RERE: variants seen among roughly 807,000 people sequenced by gnomAD.
The protein encoded by RERE is arginine-glutamic acid dipeptide repeats, also known as arginine-glutamic acid dipeptide repeats protein.
Under a neutral mutation model 146.1 loss-of-function variants are expected in RERE, and 40 were observed. That is an observed-to-expected ratio of 0.27 (90% CI 0.21 to 0.36). The LOEUF (loss-of-function observed/expected upper bound fraction) is 0.36, where lower values mean the gene tolerates loss of function less well. RERE is among the 10% of genes least tolerant of loss of function. RERE has a pLI of 1.00. For missense variants in RERE, 1,933 were observed against 2,138.7 expected, an observed-to-expected ratio of 0.90 and a Z score of 1.90; for synonymous variants, 1,003 against 866.0, an observed-to-expected ratio of 1.16 and a Z score of -2.78.
intron 1 of RERE, among the ~76,000 whole-genome samples, chr1:8,778,813 C>CA (rs34675707): frequency 0.01 from 1,404 of 135,066 alleles, 21 homozygotes; most frequent in African/African-American, 0.033. Context: ...CCTTGTCTCC[C>CA]AAAAAAAAAA....
intron 10 of RERE, among the ~76,000 whole-genome samples, chr1:8,475,288 C>T (rs1452952100): frequency 3.3e-5 from 5 of 151,262 alleles, no homozygotes; most frequent in African/African-American, 4.9e-5. Context: ...GCAGGAGAAT[C>T]GCTTAAACCT....
chr1:8,493,766 AATC>A (rs1424203113), intron 10 of RERE, among the ~76,000 whole-genome samples: 1 of 152,226 alleles, frequency 6.6e-6, no homozygotes, highest in Non-Finnish European at 1.5e-5. Context: ...ACATTTGGTT[AATC>A]ATCAGAAGAG....
At position 8,358,689 on chromosome 1, in the gene RERE, G is replaced by C. The variant is rs1431232450; in HGVS notation, c.3846C>G (p.Asp1282Glu). The change falls in exon 20 of 23, where the codon GAC becomes GAG. Residue 1282 changes from aspartate to glutamate, a missense_variant. Physicochemically the swap from Asp to Glu is conservative, Grantham distance 45 (BLOSUM62 2). Transcript: ENST00000400908. ...CAGGCATGTGGTAGGCCAGCAGGGG[G>C]TCCGTGGGGTTAAGGGGCATGTAGA... is the stretch of plus-strand genomic sequence containing the variant. ...HPFYMPLNPT[D>E]PLLAYHMPGL... 1.9e-6 allele frequency: 3 copies of C among 1,589,096 alleles called. No individual in the cohort carries two copies. The highest frequency in any genetic ancestry group is 2.6e-6 in the Non-Finnish European group (3 of 1,165,392).
rs67724601 is a variant in RERE at position 8,575,534 on chromosome 1, A to AATAT, written c.523-18015_523-18012dup. Among the ~76,000 whole-genome samples, 268 of 114,022 alleles carry AATAT rather than the reference A, an allele frequency of 2.4e-3. 3 individuals are homozygous for AATAT. The highest frequency in any genetic ancestry group is 5.8e-3 in the African/African-American group (168 of 29,008). 74.8% of individuals were successfully genotyped at this position (114,022 alleles called of 152,430 possible). ...CTGTGCCACCACACCTGGCTAATTTAATATATATATATATATATATATATA... is the reference window on the plus strand; with the variant it reads ...CTGTGCCACCACACCTGGCTAATTTAATATATATATATATATATATATATATATA... On this transcript the variant is annotated intron_variant, in intron 4 of 22. Transcript: ENST00000400908.
At chr1:8,652,463 G>T (rs1204394613) in intron 2 of RERE, among the ~76,000 whole-genome samples, 1 of 152,210 alleles carries the variant, frequency 6.6e-6, no homozygotes, top group East Asian at 1.9e-4. Context: ...GACTCAAGAA[G>T]GGAGGTGTAT....
At chr1:8,653,523 G>A (rs182906911) in intron 2 of RERE, among the ~76,000 whole-genome samples, 29 of 151,996 alleles carry the variant, frequency 1.9e-4, no homozygotes, top group East Asian at 5.8e-4. Flanking sequence ...GTGAAACCCC[G>A]TCTCTACTAA....
At chr1:8,585,244 A>C (rs1170621470) in intron 4 of RERE, among the ~76,000 whole-genome samples, 1 of 152,172 alleles carries the variant, frequency 6.6e-6, no homozygotes, top group Non-Finnish European at 1.5e-5. Flanking sequence ...AGAGATAGAG[A>C]TGGAAATAGC....
intron 7 of RERE, among the ~76,000 whole-genome samples, chr1:8,530,972 T>G (rs1645639446): frequency 6.6e-6 from 1 of 151,764 alleles, no homozygotes; most frequent in African/African-American, 2.4e-5. Context: ...ATTACAGGCG[T>G]GAGCCACCGC....
At chr1:8,619,893 T>TTGTC (rs1366978245) in intron 3 of RERE, among the ~76,000 whole-genome samples, 1 of 152,220 alleles carries the variant, frequency 6.6e-6, no homozygotes, top group East Asian at 1.9e-4. Context: ...ATGCCACAAG[T>TTGTC]TGTCTGTCCA....
chr1:8,786,058 C>A (rs929213418), intron 1 of RERE, among the ~76,000 whole-genome samples: 2 of 152,204 alleles, frequency 1.3e-5, no homozygotes, highest in Admixed American at 1.3e-4. Context: ...ACATCCCCTG[C>A]AGAGTCTGGC....
rs953440040 is a variant in RERE, at chr1:8,356,857, C to A, written c.4340-611G>T. 1.4e-4 allele frequency among the ~76,000 whole-genome samples: 21 copies of A among 152,172 alleles called. No individual in the cohort carries two copies. The highest frequency in any genetic ancestry group is 4.8e-4 in the African/African-American group (20 of 41,442). On this transcript the variant is annotated intron_variant, in intron 20 of 22. Transcript: ENST00000400908. The surrounding 1 kb of genome is among the most constrained non-coding windows in gnomAD (Gnocchi z 5.2). ...CAGCTCCAGCCAACACAGGCGCTGG[C>A]AGGGATTTCAGGGTTGCCACCTCCA...
intron 12 of RERE, among the ~76,000 whole-genome samples, chr1:8,409,699 T>A (rs1221459004): frequency 6.6e-6 from 1 of 152,228 alleles, no homozygotes; most frequent in Admixed American, 6.5e-5. Flanking sequence ...TGCTAAATGG[T>A]TGCTATCTTA....
At chr1:8,657,575 G>A (rs1270052467) in intron 1 of RERE, among the ~76,000 whole-genome samples, 1 of 152,112 alleles carries the variant, frequency 6.6e-6, no homozygotes, top group African/African-American at 2.4e-5. Flanking sequence ...GGCCAGGCGT[G>A]GTGGCTCACA....
intron 4 of RERE, among the ~76,000 whole-genome samples, chr1:8,589,897 C>G (rs951507809): frequency 2.6e-5 from 4 of 152,238 alleles, no homozygotes; most frequent in African/African-American, 9.6e-5. Context: ...AACTCTATAA[C>G]CTGACCCCTC....
intron 12 of RERE, among the ~76,000 whole-genome samples, chr1:8,404,194 C>T (rs1643367911): frequency 6.6e-6 from 1 of 152,222 alleles, no homozygotes; most frequent in African/African-American, 2.4e-5. Context: ...CTTTCAGAGG[C>T]TGAGGTGGGT....
chr1:8,447,048 A>G lies in RERE; in HGVS notation c.1203+18877T>C, dbSNP rs192543594. 1.8e-3 allele frequency among the ~76,000 whole-genome samples: 269 copies of G among 150,158 alleles called. 1 individual carries two copies. The highest frequency in any genetic ancestry group is 3.2e-3 in the Non-Finnish European group (215 of 67,728). The stretch of plus-strand genomic sequence containing the variant: ...CTTTACTTCATTAAGCTGATCTTCA[A>G]TCTCTGATACCCTTTCTTCTGCTTG... On this transcript the variant is annotated intron_variant, in intron 11 of 22. Coordinates refer to ENST00000400908, the MANE Select transcript of RERE (RefSeq NM_001042681.2).
At chr1:8,685,460 G>A (rs1423265362) in intron 1 of RERE, among the ~76,000 whole-genome samples, 5 of 152,078 alleles carry the variant, frequency 3.3e-5, no homozygotes, top group African/African-American at 7.2e-5. Context: ...GGTGGCTCAC[G>A]CCTGTAATCC....
chr1:8,676,974 A>C (rs1025418277), intron 1 of RERE, among the ~76,000 whole-genome samples: 1 of 152,146 alleles, frequency 6.6e-6, no homozygotes, highest in African/African-American at 2.4e-5. Flanking sequence ...CCACTCCTCC[A>C]GTCCTCCCTA....
In RERE at chr1:8,656,242, C is replaced by T. The variant is rs771844426; in HGVS notation, c.56G>A (p.Arg19Gln). The change falls in exon 2 of 23, where the codon CGG becomes CAG. Residue 19 changes from arginine to glutamine, a missense_variant. Physicochemically the swap from Arg to Gln is conservative, Grantham distance 43. This residue lies in a region of RERE where 107 missense variants were observed against 119.7 expected (regional missense o/e 0.89). Transcript: ENST00000400908. The part of the protein sequence containing the change: ...KDKEKDRDRD[R>Q]DREREKRDKA... The stretch of plus-strand genomic sequence containing the variant: ...GTCTCTTTTCTCTCTCTCTCGGTCC[C>T]GGTCTCGGTCCCGGTCCTTCTCTTT... 5.6e-6 allele frequency: 9 copies of T among 1,612,544 alleles called. No homozygotes were observed. The highest frequency in any genetic ancestry group is 7.6e-6 in the Non-Finnish European group (9 of 1,178,894).
Sources: allele counts gnomAD v4.1 joint callset (sites outside exome capture counted in the v4.1 genomes callset), GRCh38; gene constraint gnomAD v4.1.1; regional missense constraint gnomAD v4.1.1; non-coding constraint Gnocchi (gnomAD v3.1); transcripts MANE v1.5; gene names NCBI Gene and HGNC (gene_info 2026-07-23, HGNC 2026-07-21).